ASIC2: variants seen among roughly 807,000 people sequenced by gnomAD.
The protein encoded by ASIC2 is acid sensing ion channel subunit 2.
ASIC2 carries 25 observed loss-of-function variants against 57.3 expected under a neutral mutation model. The ratio of observed to expected loss-of-function variants is 0.44; its 90% CI spans 0.32 to 0.61. The LOEUF (loss-of-function observed/expected upper bound fraction) is 0.61. ASIC2 is among the 20% of genes least tolerant of loss of function. The pLI, the probability that ASIC2 is intolerant of heterozygous loss-of-function variation, is 0.06. For missense variants in ASIC2, 641 were observed against 738.1 expected (o/e 0.87, Z 1.52); for synonymous variants, 319 against 307.5 (o/e 1.04, Z -0.39).
At chr17:33,136,429 CTGAG>C (rs2092367464) in intron 1 of ASIC2, among the ~76,000 whole-genome samples, 1 of 152,172 alleles carries the variant, frequency 6.6e-6, no homozygotes, top group Admixed American at 6.5e-5. Flanking sequence ...GCTTGAATAT[CTGAG>C]TGCATACATG....
intron 1 of ASIC2, among the ~76,000 whole-genome samples, chr17:34,090,203 G>T (rs1910275941): frequency 6.6e-6 from 1 of 152,168 alleles, no homozygotes; most frequent in African/African-American, 2.4e-5. Context: ...TGTATGGCAA[G>T]GAGACTTAAG....
At chr17:33,548,501 G>A (rs1019082449) in intron 1 of ASIC2, among the ~76,000 whole-genome samples, 4 of 152,122 alleles carry the variant, frequency 2.6e-5, no homozygotes, top group African/African-American at 7.2e-5. Context: ...AAGTCAGAGC[G>A]AGCAAATGAG....
At chr17:33,682,184 T>C (rs1362145876) in intron 1 of ASIC2, among the ~76,000 whole-genome samples, 2 of 151,590 alleles carry the variant, frequency 1.3e-5, no homozygotes, top group East Asian at 1.9e-4. Flanking sequence ...CTCAGCCTCC[T>C]GAATAGCTGG....
chr17:33,315,839 G>A lies in ASIC2; in HGVS notation c.556-203772C>T, dbSNP rs1906622340. On this transcript the variant is annotated intron_variant, in intron 1 of 9. Transcript: ENST00000359872. ...AAGCCAATGAGGATCAGAAACCACA[G>A]TGGAGTACTGGCTTTGACATCAAAT... Among the ~76,000 whole-genome samples the A allele has an allele frequency of 3.9e-5, 6 of 152,336 alleles. No homozygotes were observed. The South Asian group carries it at 1.2e-3, about 32-fold the overall frequency.
chr17:33,568,825 G>A (rs559168462), intron 1 of ASIC2, among the ~76,000 whole-genome samples: 1 of 152,138 alleles, frequency 6.6e-6, no homozygotes, highest in Non-Finnish European at 1.5e-5. Context: ...CCATATGGGT[G>A]TTCTTACAGC....
intron 1 of ASIC2, among the ~76,000 whole-genome samples, chr17:33,171,798 C>G (rs1905531212): frequency 6.6e-6 from 1 of 152,202 alleles, no homozygotes; most frequent in Non-Finnish European, 1.5e-5. Flanking sequence ...ACTCTGGGCT[C>G]TATTCCCTTG....
At chr17:33,850,811 C>T (rs317403) in intron 1 of ASIC2, among the ~76,000 whole-genome samples, 45,870 of 151,508 alleles carry the variant, frequency 0.3, 7,315 homozygotes, top group East Asian at 0.49. Flanking sequence ...GTCATTCGGT[C>T]ACTTAATTTC....
intron 1 of ASIC2, among the ~76,000 whole-genome samples, chr17:33,435,627 A>G (rs1911585140): frequency 6.6e-6 from 1 of 152,204 alleles, no homozygotes; most frequent in African/African-American, 2.4e-5. Flanking sequence ...TCAAGCATTT[A>G]TTCTGCCTTT....
At chr17:33,961,039 T>A (rs1006172390) in intron 1 of ASIC2, among the ~76,000 whole-genome samples, 15 of 152,128 alleles carry the variant, frequency 9.9e-5, no homozygotes, top group African/African-American at 3.6e-4. Flanking sequence ...GATCTGTGGG[T>A]CAGCCAGCTA....
chr17:33,089,140 A>G, intron 2 of ASIC2, 150 bp from the exon 3 acceptor site: 2 of 1,094,956 alleles, frequency 1.8e-6, no homozygotes, highest in Non-Finnish European at 1.3e-6. Context: ...ACCTCCAGAA[A>G]CTGTGACTAG....
At chr17:33,027,227 T>A (rs995826055) in intron 4 of ASIC2, among the ~76,000 whole-genome samples, 12 of 152,280 alleles carry the variant, frequency 7.9e-5, no homozygotes, top group Admixed American at 2.0e-4. Flanking sequence ...TCTTTCATAG[T>A]CATATCTCCC....
In ASIC2 at chr17:33,070,817, C is replaced by A. The variant is rs532999866; in HGVS notation, c.987+18046G>T. Among the ~76,000 whole-genome samples the A allele has an allele frequency of 6.8e-4, 103 of 152,038 alleles. 3 individuals are homozygous for A. Among genetic ancestry groups the A allele is most frequent in the African/African-American group, 2.2e-3 (92 of 41,490 alleles). Reference sequence around the variant, plus strand: ...GAGTAAGGATCTGCTGGCTCTTCTGCTTTTATATGTCTGAGAAGACTTATT... The same window carrying A: ...GAGTAAGGATCTGCTGGCTCTTCTGATTTTATATGTCTGAGAAGACTTATT... On this transcript the variant is annotated intron_variant, in intron 3 of 9. Coordinates refer to ENST00000225823, the MANE Select transcript of ASIC2 (RefSeq NM_183377.2).
chr17:33,436,853 CTTTTTTTTTTTTT>C (rs71144877), intron 1 of ASIC2, among the ~76,000 whole-genome samples: 13 of 66,614 alleles, frequency 2.0e-4, no homozygotes, highest in Admixed American at 6.4e-4. Context: ...ATTCCAACTT[CTTTTTTTTTTTTT>C]TTTTTTTTTT....
chr17:33,287,769 A>G (rs1287485946), intron 1 of ASIC2, among the ~76,000 whole-genome samples: 5 of 152,122 alleles, frequency 3.3e-5, no homozygotes, highest in Non-Finnish European at 7.3e-5. Context: ...TTCCCCCCAA[A>G]GGCCTCCTCT....
At chr17:33,259,237 C>T (rs1470753340) in intron 1 of ASIC2, among the ~76,000 whole-genome samples, 2 of 152,162 alleles carry the variant, frequency 1.3e-5, no homozygotes, top group African/African-American at 2.4e-5. Context: ...AATGCAACAT[C>T]CTCTTTGGTA....
At chr17:33,932,729 A>G (rs1324337232) in intron 1 of ASIC2, 1 of 106,126 alleles carries the variant, frequency 9.4e-6, no homozygotes, top group Non-Finnish European at 1.9e-5. Flanking sequence ...AAAAAAAAAA[A>G]AAAAAAAAAA....
intron 1 of ASIC2, among the ~76,000 whole-genome samples, chr17:33,206,495 C>G (rs1907066070): frequency 6.6e-6 from 1 of 152,160 alleles, no homozygotes; most frequent in Non-Finnish European, 1.5e-5. Flanking sequence ...TCAAGCCAAG[C>G]CCAAAGCCAT....
chr17:34,078,773 A>G (rs1909767300), intron 1 of ASIC2: 2 of 152,280 alleles, frequency 1.3e-5, no homozygotes, highest in African/African-American at 2.4e-5. Flanking sequence ...CTGTGGCCAA[A>G]GGCACCCCTC....
intron 1 of ASIC2, among the ~76,000 whole-genome samples, chr17:33,268,720 CAG>C (rs1486508612): frequency 2.6e-5 from 4 of 152,078 alleles, no homozygotes; most frequent in African/African-American, 7.2e-5. Flanking sequence ...GCACTTTTAC[CAG>C]AGACATCTGC....
Sources: gnomAD v4.1 joint callset for allele counts (sites outside exome capture counted in the v4.1 genomes callset) on GRCh38, gnomAD v4.1.1 for gene constraint, MANE v1.5 for transcripts, NCBI Gene and HGNC (gene_info 2026-07-23, HGNC 2026-07-21) for gene names.